Variants in AFF3 observed in about 807,000 individuals in gnomAD.
The protein encoded by AFF3 is ALF transcription elongation factor 3, also known as AF4/FMR2 family member 3.
A neutral mutation model predicts 129.7 loss-of-function variants in AFF3; 32 were observed. The ratio of observed to expected loss-of-function variants is 0.25; its 90% CI spans 0.19 to 0.33. AFF3 has a LOEUF of 0.33. Ranked by LOEUF, AFF3 falls within the 10% of genes least tolerant of loss-of-function variation. The pLI is 1.00. For missense variants in AFF3, 1,373 were observed against 1,592.0 expected (o/e 0.86, Z 2.34); for synonymous variants, 644 against 635.4 (o/e 1.01, Z -0.20).
Position 99,547,674 on chromosome 2 carries a change from C to T in AFF3, c.*3800G>A, listed in dbSNP as rs1002577312. 8 of 210,164 alleles carry T rather than the reference C, an allele frequency of 3.8e-5. No homozygotes were observed. Among genetic ancestry groups the T allele is most frequent in the Non-Finnish European group, 7.7e-5 (8 of 103,574 alleles). 13.0% of individuals were successfully genotyped at this position (210,164 alleles called of 1,614,324 possible). A position where few individuals can be genotyped will look rare whatever the true frequency, so the allele number is the denominator to read the frequency against. On this transcript the variant is annotated 3_prime_UTR_variant, in exon 25 of 25. Coordinates refer to ENST00000672756, the MANE Select transcript of AFF3 (RefSeq NM_001386135.1). ...CTGCACTTCCAAGTTGATGCGAACACGCAGTGACTCATACTCAATATTAGG... is the reference window on the plus strand; with the variant it reads ...CTGCACTTCCAAGTTGATGCGAACATGCAGTGACTCATACTCAATATTAGG...
chr2:100,095,917 C>G (rs372536831), intron 4 of AFF3, among the ~76,000 whole-genome samples: 1 of 152,128 alleles, frequency 6.6e-6, no homozygotes, highest in Non-Finnish European at 1.5e-5. Context: ...GTTGGCCGAG[C>G]GGGGATGCAA....
Position 99,545,752 on chromosome 2 carries a change from T to C in AFF3, c.*5722A>G, listed in dbSNP as rs1674058350. 5.7e-6 allele frequency: 1 copy of C among 174,532 alleles called. No individual in the cohort carries two copies. The highest frequency in any genetic ancestry group is 2.0e-4 in the South Asian group (1 of 5,014). The allele number at this position is 174,532 out of a possible 1,614,324, so 10.8% of individuals were successfully genotyped here. A position where few individuals can be genotyped will look rare whatever the true frequency, so the allele number is the denominator to read the frequency against. On this transcript the variant is annotated 3_prime_UTR_variant, in exon 25 of 25. Coordinates refer to ENST00000672756, the MANE Select transcript of AFF3 (RefSeq NM_001386135.1). ...GATTTAATCCCTTGATTCCCATTAC[T>C]GTGAGTAAGAGCTGTGAACCTAAAT...
chr2:100,020,991 C>A (rs1205647435), intron 4 of AFF3, among the ~76,000 whole-genome samples: 4 of 152,176 alleles, frequency 2.6e-5, no homozygotes, highest in Non-Finnish European at 5.9e-5. Flanking sequence ...AAGGTCAGCT[C>A]CCAATCTTCC....
intron 24 of AFF3, among the ~76,000 whole-genome samples, chr2:99,553,916 AC>A (rs1180148079): frequency 0.016 from 1,794 of 111,106 alleles, 90 homozygotes; most frequent in African/African-American, 0.05. Flanking sequence ...TCTGTCTCAA[AC>A]CAAAAAAAAA....
intron 7 of AFF3, among the ~76,000 whole-genome samples, chr2:99,921,611 A>G (rs2106250094): frequency 6.6e-6 from 1 of 152,304 alleles, no homozygotes; most frequent in East Asian, 1.9e-4. Flanking sequence ...AACTTCCTAT[A>G]ATTTTGAAAT....
intron 11 of AFF3, among the ~76,000 whole-genome samples, chr2:99,683,178 T>G (rs969459183): frequency 6.6e-6 from 1 of 152,180 alleles, no homozygotes; most frequent in African/African-American, 2.4e-5. Flanking sequence ...AAGCCTGGTT[T>G]ATTGATTTCT....
Position 99,727,120 on chromosome 2 carries a change from C to T in AFF3, c.1048G>A (p.Asp350Asn). 9 of 1,610,032 alleles carry T rather than the reference C, an allele frequency of 5.6e-6. No individual in the cohort carries two copies. The highest frequency in any genetic ancestry group is 7.6e-6 in the Non-Finnish European group (9 of 1,178,918). ...TTGTCTGGACTCTCTGGCTCTGCATCACCTTTCTCTTAAAAAGGAAGCAGA... is the reference window on the plus strand; with the variant it reads ...TTGTCTGGACTCTCTGGCTCTGCATTACCTTTCTCTTAAAAAGGAAGCAGA... ...SSGHNNPKKG[D>N]AEPESPDNGT... is the part of the protein sequence containing the mutation. Residue 350 changes from aspartate to asparagine, a missense_variant, in exon 11 of 25, where the codon GAT (aspartate) becomes AAT (asparagine). Asp to Asn is a conservative substitution (Grantham distance 23). This residue lies in a region of AFF3 where 413 missense variants were observed against 424.4 expected (regional missense o/e 0.97). Coordinates refer to ENST00000672756, the MANE Select transcript of AFF3 (RefSeq NM_001386135.1).
At chr2:100,050,172 T>A (rs1238672128) in intron 4 of AFF3, among the ~76,000 whole-genome samples, 2 of 151,340 alleles carry the variant, frequency 1.3e-5, no homozygotes, top group East Asian at 3.9e-4. Flanking sequence ...CACTCCAGCC[T>A]GGGTGACAGA....
chr2:99,922,126 T>C (rs2106252681), intron 7 of AFF3, among the ~76,000 whole-genome samples: 1 of 152,262 alleles, frequency 6.6e-6, no homozygotes, highest in South Asian at 2.1e-4. Context: ...GCTGACTAAG[T>C]ATGTAAGATG....
intron 9 of AFF3, 32 bp downstream of exon 9, chr2:99,752,189 A>C: frequency 6.4e-7 from 1 of 1,570,798 alleles, no homozygotes; most frequent in Non-Finnish European, 8.8e-7. Flanking sequence ...CATGAGTGAA[A>C]CATATTCCTC....
intron 7 of AFF3, among the ~76,000 whole-genome samples, chr2:99,947,604 ATAG>A (rs1559000300): frequency 2.3e-5 from 1 of 42,804 alleles, no homozygotes; most frequent in Non-Finnish European, 5.1e-5. Context: ...AGAAAGAAAG[ATAG>A]ATAGATAGAT....
chr2:99,809,741 C>T (rs572662167), intron 8 of AFF3, among the ~76,000 whole-genome samples: 2 of 152,220 alleles, frequency 1.3e-5, no homozygotes, highest in Non-Finnish European at 2.9e-5. Context: ...TGATGAGTCC[C>T]ACATCCCACT....
intron 7 of AFF3, among the ~76,000 whole-genome samples, chr2:99,972,415 G>A (rs1371603546): frequency 6.6e-6 from 1 of 152,222 alleles, no homozygotes; most frequent in Non-Finnish European, 1.5e-5. Context: ...TCCCTGGTCT[G>A]CACAGGGGTG....
rs538410844 is a variant in AFF3, at chr2:99,787,649, C to T, written c.922-35348G>A. On this transcript the variant is annotated intron_variant, in intron 8 of 24. Coordinates refer to ENST00000672756, the MANE Select transcript of AFF3 (RefSeq NM_001386135.1). ...CTGGGGCTGCTGGTCTGAAAGTCTA[C>T]GTACTTCTGACTGGAGACTTAGGCT... 5.3e-5 allele frequency among the ~76,000 whole-genome samples: 8 copies of T among 152,252 alleles called. No individual in the cohort carries two copies. The East Asian group carries it at 7.7e-4, about 15-fold the overall frequency.
chr2:99,781,737 C>T lies in AFF3; in HGVS notation c.922-29436G>A, dbSNP rs770579572. On this transcript the variant is annotated intron_variant, in intron 8 of 24. Transcript: ENST00000672756. The stretch of plus-strand genomic sequence containing the variant: ...ACAGTAGAGGCACCAAACACATTTG[C>T]TCGATGAATAAATGAATGAATGAAT... Among the ~76,000 whole-genome samples the T allele has an allele frequency of 2.1e-4, 32 of 152,210 alleles. No individual in the cohort carries two copies. In the Middle Eastern group the frequency reaches 0.01, roughly 49 times the overall value.
At chr2:99,630,933 G>A (rs998344080) in intron 13 of AFF3, 22 of 401,218 alleles carry the variant, frequency 5.5e-5, no homozygotes, top group Non-Finnish European at 1.0e-4. Flanking sequence ...AAGAAGTGAC[G>A]TAGCAGAGAA....
chr2:99,862,529 G>A (rs958118866), intron 7 of AFF3, among the ~76,000 whole-genome samples: 3 of 152,224 alleles, frequency 2.0e-5, no homozygotes, highest in Admixed American at 2.0e-4. Flanking sequence ...TGCATTTACA[G>A]ATAATGCCCC....
intron 7 of AFF3, among the ~76,000 whole-genome samples, chr2:99,944,492 A>G (rs1488964132): frequency 6.6e-6 from 1 of 152,218 alleles, no homozygotes; most frequent in East Asian, 1.9e-4. Flanking sequence ...AGGTTGGTCA[A>G]TGCTTCCCAT....
At chr2:99,602,189 C>A (rs1383208581) in intron 13 of AFF3, among the ~76,000 whole-genome samples, 3 of 152,162 alleles carry the variant, frequency 2.0e-5, no homozygotes, top group Admixed American at 6.5e-5. Context: ...CTTGCTTCCT[C>A]CCTTTTCCCA....
Sources: allele counts gnomAD v4.1 joint callset (sites outside exome capture counted in the v4.1 genomes callset), GRCh38; gene constraint gnomAD v4.1.1; regional missense constraint gnomAD v4.1.1; transcripts MANE v1.5; gene names NCBI Gene and HGNC (gene_info 2026-07-23, HGNC 2026-07-21).